MMP16: variants seen among roughly 807,000 people sequenced by gnomAD.
MMP16 encodes matrix metallopeptidase 16.
MMP16 carries 12 observed loss-of-function variants against 67.8 expected under a neutral mutation model. The observed-to-expected ratio is 0.18, with a 90% CI of 0.11 to 0.29. The LOEUF is 0.29. MMP16 is among the 10% of genes least tolerant of loss of function. The probability of loss-of-function intolerance (pLI) is 1.00; values close to 1 mark genes in which losing one functional copy is unlikely to be tolerated. For synonymous variants in MMP16, 249 were observed against 255.9 expected (o/e 0.97, Z 0.26); for missense variants, 475 against 765.7 (o/e 0.62, Z 4.48).
Position 88,186,508 on chromosome 8 carries a change from T to C in MMP16, c.372A>G (p.Gly124=). 6.2e-7 allele frequency: 1 copy of C among 1,612,464 alleles called. No homozygotes were observed. Among genetic ancestry groups the C allele is most frequent in the Non-Finnish European group, 8.5e-7 (1 of 1,179,800 alleles). The change falls in exon 3 of 10, where the codon GGA becomes GGG. Residue 124 remains glycine, a synonymous_variant. Coordinates refer to ENST00000286614, the MANE Select transcript of MMP16 (RefSeq NM_005941.5). The part of the protein sequence containing the change: ...HIRRKRYALT[G]QKWQHKHITY... ...TGATGTGCTTGTGCTGCCATTTCTG[T>C]CCTGTCAATGCATATCGCTTTCGAC...
At chr8:88,080,119 A>G (rs1808720961) in intron 6 of MMP16, among the ~76,000 whole-genome samples, 2 of 152,270 alleles carry the variant, frequency 1.3e-5, no homozygotes, top group South Asian at 2.1e-4. Flanking sequence ...TATGCTCCAC[A>G]AGAATGGGGC....
At position 88,112,817 on chromosome 8, in the gene MMP16, C is replaced by G. The variant is rs531803285; in HGVS notation, c.1083+3690G>C. 1.5e-4 allele frequency among the ~76,000 whole-genome samples: 23 copies of G among 151,764 alleles called. No homozygotes were observed. In the South Asian group the frequency reaches 4.6e-3, roughly 30 times the overall value. On this transcript the variant is annotated intron_variant, in intron 6 of 9. Coordinates refer to ENST00000286614, the MANE Select transcript of MMP16 (RefSeq NM_005941.5). Reference sequence around the variant, plus strand: ...AATCCTCTGAGAAGAAGCTCACAACCAAAAAGCATTACGCTGAAAGTCCTA... The same window carrying G: ...AATCCTCTGAGAAGAAGCTCACAACGAAAAAGCATTACGCTGAAAGTCCTA...
chr8:88,190,516 C>T (rs540764805), intron 2 of MMP16, among the ~76,000 whole-genome samples: 1 of 152,256 alleles, frequency 6.6e-6, no homozygotes, highest in South Asian at 2.1e-4. Flanking sequence ...AAATACAAAA[C>T]TGGCATGCTA....
At chr8:88,288,672 G>C (rs1810871671) in intron 1 of MMP16, among the ~76,000 whole-genome samples, 1 of 152,134 alleles carries the variant, frequency 6.6e-6, no homozygotes, top group Non-Finnish European at 1.5e-5. Context: ...GAATGCAGTA[G>C]GAGAGAAATT....
chr8:88,102,789 C>T (rs1809167313), intron 6 of MMP16, among the ~76,000 whole-genome samples: 1 of 151,822 alleles, frequency 6.6e-6, no homozygotes, highest in Admixed American at 6.6e-5. Context: ...GGGTCCAAGA[C>T]CAAATATATA....
At chr8:88,142,109 C>T (rs193041334) in intron 4 of MMP16, among the ~76,000 whole-genome samples, 12 of 151,810 alleles carry the variant, frequency 7.9e-5, no homozygotes, top group African/African-American at 2.9e-4. Context: ...GGGGTTTTAC[C>T]ATGTTGCCCA....
chr8:88,117,690 CT>C (rs34021476), intron 5 of MMP16, among the ~76,000 whole-genome samples: 54,685 of 151,734 alleles, frequency 0.36, 10,668 homozygotes, highest in East Asian at 0.48. Flanking sequence ...AAAAACTGAC[CT>C]TTTTTTACAA....
chr8:88,192,443 A>C (rs1809183474), intron 2 of MMP16, among the ~76,000 whole-genome samples: 1 of 152,188 alleles, frequency 6.6e-6, no homozygotes, highest in African/African-American at 2.4e-5. Context: ...CAATTCTTTC[A>C]ACTTTTTACC....
At chr8:88,117,515 A>AT (rs1170687879) in intron 5 of MMP16, among the ~76,000 whole-genome samples, 1 of 152,096 alleles carries the variant, frequency 6.6e-6, no homozygotes, top group Non-Finnish European at 1.5e-5. Context: ...TAGACTACTA[A>AT]TTCATGAGGT....
intron 2 of MMP16, among the ~76,000 whole-genome samples, chr8:88,187,213 A>G (rs1161049854): frequency 6.6e-6 from 1 of 152,142 alleles, no homozygotes; most frequent in Non-Finnish European, 1.5e-5. Context: ...CTTAAAAAAT[A>G]TTTTTCTGAA....
intron 8 of MMP16, among the ~76,000 whole-genome samples, chr8:88,050,767 C>A (rs1404225111): frequency 6.6e-6 from 1 of 152,194 alleles, no homozygotes; most frequent in Non-Finnish European, 1.5e-5. Context: ...GTCGTTCAAA[C>A]AACTGGTGTT....
rs149242081 is a variant in MMP16 at position 88,293,993 on chromosome 8, A to ATCAG, written c.132+33078_132+33081dup. On this transcript the variant is annotated intron_variant, in intron 1 of 9. Transcript: ENST00000286614. ...AAAACACTTCAAAGCTAGACCAACC[A>ATCAG]TCAGTCCAATTATAATTTACAGTCA... Among the ~76,000 whole-genome samples the ATCAG allele has an allele frequency of 3.0e-3, 452 of 152,192 alleles. 1 individual carries two copies. The highest frequency in any genetic ancestry group is 0.01 in the African/African-American group (429 of 41,550).
intron 6 of MMP16, among the ~76,000 whole-genome samples, chr8:88,087,047 G>A (rs944332967): frequency 6.6e-6 from 1 of 151,826 alleles, no homozygotes; most frequent in Non-Finnish European, 1.5e-5. Context: ...TTCTGTTTAG[G>A]TGTCTTCACA....
chr8:88,264,894 C>T (rs560741784), intron 1 of MMP16, among the ~76,000 whole-genome samples: 1 of 152,332 alleles, frequency 6.6e-6, no homozygotes, highest in Admixed American at 6.5e-5. Flanking sequence ...ATATAGAAAA[C>T]TATGCTAACG....
At chr8:88,262,964 G>A (rs1039060708) in intron 1 of MMP16, among the ~76,000 whole-genome samples, 2 of 150,884 alleles carry the variant, frequency 1.3e-5, no homozygotes, top group African/African-American at 2.4e-5. Context: ...GGTGGAGCTT[G>A]CAGTGAGCCG....
intron 3 of MMP16, among the ~76,000 whole-genome samples, chr8:88,179,824 C>T (rs1232908104): frequency 6.6e-6 from 1 of 151,938 alleles, no homozygotes; most frequent in Non-Finnish European, 1.5e-5. Context: ...AAAAGGAGGA[C>T]AATTGACAGG....
intron 6 of MMP16, among the ~76,000 whole-genome samples, chr8:88,115,520 A>G (rs1809414028): frequency 6.6e-6 from 1 of 152,086 alleles, no homozygotes; most frequent in Admixed American, 6.6e-5. Context: ...TATTTTTCAA[A>G]AAAGAAAATA....
intron 1 of MMP16, among the ~76,000 whole-genome samples, chr8:88,206,233 C>G (rs905783756): frequency 1.3e-5 from 2 of 152,104 alleles, no homozygotes; most frequent in Non-Finnish European, 2.9e-5. Context: ...ACAATCAGCA[C>G]TACCATCCAT....
intron 6 of MMP16, among the ~76,000 whole-genome samples, chr8:88,086,752 C>A (rs1586143557): frequency 6.6e-6 from 1 of 152,004 alleles, no homozygotes; most frequent in East Asian, 1.9e-4. Context: ...TTTTTCACCA[C>A]CCAAGCTAAA....
Sources: allele counts gnomAD v4.1 joint callset (sites outside exome capture counted in the v4.1 genomes callset), GRCh38; gene constraint gnomAD v4.1.1; transcripts MANE v1.5; gene names NCBI Gene and HGNC (gene_info 2026-07-23, HGNC 2026-07-21).